SLC25A18: variants seen among roughly 807,000 people sequenced by gnomAD.
The protein encoded by SLC25A18 is mitochondrial glutamate carrier 2.
SLC25A18 carries 24 observed loss-of-function variants against 31.1 expected under a neutral mutation model. The observed-to-expected ratio is 0.77, with a 90% CI of 0.56 to 1.08. The LOEUF is 1.08. Among genes scored for constraint, SLC25A18 ranks in the 50% least tolerant of loss-of-function variants. SLC25A18 has a pLI of 0.00. For synonymous variants in SLC25A18, 173 were observed against 161.9 expected, an observed-to-expected ratio of 1.07 and a Z score of -0.52; for missense variants, 371 against 418.5, an observed-to-expected ratio of 0.89 and a Z score of 0.99.
At chr22:17,580,098 C>T in intron 3 of SLC25A18, 134 bp downstream of exon 3, 2 of 741,742 alleles carry the variant, frequency 2.7e-6, no homozygotes, top group Non-Finnish European at 4.5e-6. Context: ...CCCCATATAA[C>T]ATATACACTA....
At chr22:17,567,118 C>T (rs1253087190) in intron 1 of SLC25A18, among the ~76,000 whole-genome samples, 1 of 152,198 alleles carries the variant, frequency 6.6e-6, no homozygotes, top group African/African-American at 2.4e-5. Flanking sequence ...GCCATGATCA[C>T]GACACTGCGC....
rs8138271 is a variant in SLC25A18 at position 17,587,778 on chromosome 22, C to G, written c.576-147C>G. The G allele has an allele frequency of 5.4e-3, 5,053 of 943,290 alleles. 169 individuals carry two copies. In the African/African-American group the frequency reaches 0.074, roughly 14 times the overall value. 58.4% of individuals were successfully genotyped at this position (943,290 alleles called of 1,614,324 possible). A position where few individuals can be genotyped will look rare whatever the true frequency, so the allele number is the denominator to read the frequency against. On this transcript the variant is annotated intron_variant, in intron 8 of 10. Coordinates refer to ENST00000327451, the MANE Select transcript of SLC25A18 (RefSeq NM_031481.3). ...CTTTTGTCCCCTGCTGTCCCTCACC[C>G]ACGCTCACGGGGCACAAAAGAAGGG...
At chr22:17,566,135 A>G (rs931074047) in intron 1 of SLC25A18, among the ~76,000 whole-genome samples, 2 of 152,158 alleles carry the variant, frequency 1.3e-5, no homozygotes. Flanking sequence ...TGTGGGTGTG[A>G]CACGGCACTG....
At chr22:17,585,331 A>T (rs995416902) in intron 7 of SLC25A18, 1 of 152,242 alleles carries the variant, frequency 6.6e-6, no homozygotes, top group South Asian at 2.1e-4. Context: ...CAGAGGTTGC[A>T]GCGAGCGGAG....
intron 2 of SLC25A18, among the ~76,000 whole-genome samples, chr22:17,574,243 A>G (rs1379499405): frequency 6.6e-6 from 1 of 152,258 alleles, no homozygotes; most frequent in Non-Finnish European, 1.5e-5. Flanking sequence ...CCTGAAAAAA[A>G]GAAGTATTCA....
intron 2 of SLC25A18, among the ~76,000 whole-genome samples, chr22:17,579,333 C>T (rs986153813): frequency 2.0e-5 from 3 of 152,234 alleles, no homozygotes; most frequent in South Asian, 2.1e-4. Flanking sequence ...GCAATCCGCC[C>T]GCCTCGGCCT....
intron 9 of SLC25A18, chr22:17,588,773 A>G (rs2057627536): frequency 6.6e-6 from 1 of 152,146 alleles, no homozygotes; most frequent in African/African-American, 2.4e-5. Context: ...TAGACTTCCT[A>G]TACCAACAGT....
At chr22:17,567,518 G>A (rs1052509113) in intron 1 of SLC25A18, among the ~76,000 whole-genome samples, 3 of 151,304 alleles carry the variant, frequency 2.0e-5, no homozygotes, top group Admixed American at 1.3e-4. Context: ...TGACTTCAAA[G>A]TATCCAGTGC....
intron 1 of SLC25A18, among the ~76,000 whole-genome samples, chr22:17,565,605 C>T (rs897492128): frequency 6.6e-5 from 10 of 151,704 alleles, no homozygotes; most frequent in Non-Finnish European, 1.5e-4. Context: ...TGTTGGCTCA[C>T]GCCTGTAATA....
intron 1 of SLC25A18, among the ~76,000 whole-genome samples, chr22:17,564,205 C>G (rs1402982592): frequency 6.6e-6 from 1 of 152,178 alleles, no homozygotes; most frequent in African/African-American, 2.4e-5. Flanking sequence ...GAAACTGCAG[C>G]TTGGGAGAAG....
At chr22:17,579,063 TTTTG>T (rs695243) in intron 2 of SLC25A18, among the ~76,000 whole-genome samples, 65,772 of 149,886 alleles carry the variant, frequency 0.44, 14,839 homozygotes, top group South Asian at 0.58. Context: ...TAAGTGGGTT[TTTTG>T]TTTGTTTGTT....
At chr22:17,568,195 T>C (rs2056987287) in intron 1 of SLC25A18, among the ~76,000 whole-genome samples, 1 of 151,624 alleles carries the variant, frequency 6.6e-6, no homozygotes, top group Non-Finnish European at 1.5e-5. Context: ...AAACCCCGTC[T>C]CTACTAAAAA....
Position 17,583,544 on chromosome 22 carries a change from G to C in SLC25A18, c.409+10G>C, listed in dbSNP as rs1167495932. ...GATGCTGGACGCCTGGGTGAGGCCT[G>C]TCCCCACCTCCTATGGGAACAGTAA... On this transcript the variant is annotated intron_variant, in intron 7 of 10. Transcript: ENST00000327451. The C allele has an allele frequency of 4.3e-6, 7 of 1,612,664 alleles. No individual in the cohort carries two copies. The highest frequency in any genetic ancestry group is 1.3e-5 in the African/African-American group (1 of 74,922).
intron 2 of SLC25A18, among the ~76,000 whole-genome samples, chr22:17,575,765 C>T (rs866722838): frequency 6.6e-6 from 1 of 152,178 alleles, no homozygotes; most frequent in Admixed American, 6.6e-5. Context: ...TAAGAACATG[C>T]AAACATGCTA....
rs1178404575 is a variant in SLC25A18, at chr22:17,581,028, C to G, written c.21-9C>G. ...CCTCTCTCCTCCCCCTGTCCTCCCC[C>G]TGTCCTAGCATCACAGCCAAACTCA... On this transcript the variant is annotated splice_polypyrimidine_tract_variant and intron_variant, in intron 3 of 10. Transcript: ENST00000327451. 1.9e-6 allele frequency: 3 copies of G among 1,544,074 alleles called. No homozygotes were observed. Among genetic ancestry groups the G allele is most frequent in the Admixed American group, 2.0e-5 (1 of 49,996 alleles).
intron 1 of SLC25A18, among the ~76,000 whole-genome samples, chr22:17,565,328 A>T (rs1401440293): frequency 1.3e-5 from 2 of 151,700 alleles, no homozygotes; most frequent in Non-Finnish European, 2.9e-5. Flanking sequence ...TGATCCACCC[A>T]CCTCGGGCTC....
intron 9 of SLC25A18, 137 bp from the exon 10 acceptor site, chr22:17,589,453 G>C: frequency 3.0e-6 from 2 of 663,188 alleles, no homozygotes; most frequent in Non-Finnish European, 5.3e-6. Flanking sequence ...TGGGATTACA[G>C]GCGTGAGCCA....
chr22:17,590,179 T>C lies in SLC25A18; in HGVS notation c.891T>C (p.Ile297=). The C allele has an allele frequency of 6.2e-7, 1 of 1,614,230 alleles. No individual in the cohort carries two copies. The highest frequency in any genetic ancestry group is 1.1e-5 in the South Asian group (1 of 91,080). The change falls in exon 11 of 11, where the codon ATT becomes ATC. Residue 297 remains isoleucine, a synonymous_variant. Transcript: ENST00000327451. ...TGGTCATAGCACCTCTCTTTGGGATTGCTCAAGGGGTCTATTTTATTGGGA... is the reference window on the plus strand; with the variant it reads ...TGGTCATAGCACCTCTCTTTGGGATCGCTCAAGGGGTCTATTTTATTGGGA... ...RALVIAPLFG[I]AQGVYFIGIG... is the part of the protein sequence containing the mutation.
chr22:17,587,549 GC>G (rs1030035729), intron 8 of SLC25A18, among the ~76,000 whole-genome samples: 1 of 152,164 alleles, frequency 6.6e-6, no homozygotes, highest in Non-Finnish European at 1.5e-5. Context: ...GTGTTTTGTG[GC>G]CCAAAGGCAC....
Sources: gnomAD v4.1 joint callset for allele counts (sites outside exome capture counted in the v4.1 genomes callset) on GRCh38, gnomAD v4.1.1 for gene constraint, MANE v1.5 for transcripts, NCBI Gene and HGNC (gene_info 2026-07-23, HGNC 2026-07-21) for gene names.